Variants in ADCY9 observed in about 807,000 individuals in gnomAD.
ADCY9 encodes adenylate cyclase type 9.
A neutral mutation model predicts 101.5 loss-of-function variants in ADCY9; 50 were observed. The ratio of observed to expected loss-of-function variants is 0.49; its 90% CI spans 0.39 to 0.62. The LOEUF is 0.62. ADCY9 is among the 20% of genes least tolerant of loss of function. ADCY9 has a pLI of 0.00. For synonymous variants in ADCY9, 905 were observed against 769.3 expected, an observed-to-expected ratio of 1.18 and a Z score of -2.92; for missense variants, 1,662 against 1,800.4, an observed-to-expected ratio of 0.92 and a Z score of 1.39.
In ADCY9 at chr16:4,115,455, C is replaced by T. The variant is rs770794117; in HGVS notation, c.-13G>A. 1.3e-5 allele frequency: 20 copies of T among 1,525,130 alleles called. 1 individual carries two copies. The South Asian group carries it at 2.5e-4, about 19-fold the overall frequency. The allele number at this position is 1,525,130 out of a possible 1,614,324, so 94.5% of individuals were successfully genotyped here. On this transcript the variant is annotated 5_prime_UTR_variant, in exon 2 of 11. Coordinates refer to ENST00000294016, the MANE Select transcript of ADCY9 (RefSeq NM_001116.4). The surrounding 1 kb of genome is among the most constrained non-coding windows in gnomAD (Gnocchi z 6.2). The stretch of plus-strand genomic sequence containing the variant: ...GTGGGGAAGCCATGTTGTCGAGTCC[C>T]GGGGCCTGCCCCGGCCGGGGTCACC...
chr16:4,047,782 C>T (rs1273834319), intron 2 of ADCY9, among the ~76,000 whole-genome samples: 1 of 152,216 alleles, frequency 6.6e-6, no homozygotes, highest in Non-Finnish European at 1.5e-5. Context: ...TGATCTCGAA[C>T]TCCTGACCTC....
At chr16:4,080,316 T>G (rs1202241781) in intron 2 of ADCY9, among the ~76,000 whole-genome samples, 1 of 152,212 alleles carries the variant, frequency 6.6e-6, no homozygotes, top group Non-Finnish European at 1.5e-5. Context: ...TGCTCTTGGT[T>G]CACTGCAACC....
intron 2 of ADCY9, among the ~76,000 whole-genome samples, chr16:4,054,674 A>C (rs572439209): frequency 3.3e-5 from 5 of 151,746 alleles, no homozygotes; most frequent in African/African-American, 1.2e-4. Flanking sequence ...GGGTTCAAGC[A>C]ATTCTCCTGC....
chr16:3,985,820 C>T (rs2056187549), intron 6 of ADCY9, among the ~76,000 whole-genome samples: 1 of 152,196 alleles, frequency 6.6e-6, no homozygotes, highest in African/African-American at 2.4e-5. Flanking sequence ...ACACCTGTCC[C>T]TGCCACAGCC....
Position 4,115,792 on chromosome 16 carries a change from C to A in ADCY9, c.-146G>T. The A allele has an allele frequency of 5.0e-6, 2 of 401,152 alleles. No individual in the cohort carries two copies. The highest frequency in any genetic ancestry group is 7.2e-5 in the East Asian group (2 of 27,940). The allele number at this position is 401,152 out of a possible 1,614,324, so 24.8% of individuals were successfully genotyped here. Reference sequence around the variant, plus strand: ...CGCCCCGAGGGTGGCCTCCGCGCCGCGCGGCTTCTCCTCCTCGCGCGCTCG... The same window carrying A: ...CGCCCCGAGGGTGGCCTCCGCGCCGAGCGGCTTCTCCTCCTCGCGCGCTCG... On this transcript the variant is annotated 5_prime_UTR_variant, in exon 1 of 11. Coordinates refer to ENST00000294016, the MANE Select transcript of ADCY9 (RefSeq NM_001116.4). The surrounding 1 kb of genome is among the most constrained non-coding windows in gnomAD (Gnocchi z 6.2).
intron 2 of ADCY9, among the ~76,000 whole-genome samples, chr16:4,054,635 A>G (rs985956679): frequency 9.2e-5 from 14 of 151,868 alleles, no homozygotes; most frequent in African/African-American, 3.1e-4. Context: ...CAGTGGCACA[A>G]TCTCGGCTCA....
intron 2 of ADCY9, among the ~76,000 whole-genome samples, chr16:4,107,778 T>A (rs561588099): frequency 1.3e-5 from 2 of 151,636 alleles, no homozygotes; most frequent in Non-Finnish European, 2.9e-5. Context: ...GTGCTCAGGG[T>A]TAATGGGGCG....
chr16:3,991,343 G>A (rs1881040482), intron 5 of ADCY9, among the ~76,000 whole-genome samples: 1 of 152,174 alleles, frequency 6.6e-6, no homozygotes, highest in Non-Finnish European at 1.5e-5. Flanking sequence ...TGTCCCTGGA[G>A]AGGACACCCT....
chr16:3,988,446 G>A (rs978547697), intron 6 of ADCY9, among the ~76,000 whole-genome samples: 2 of 135,394 alleles, frequency 1.5e-5, no homozygotes, highest in African/African-American at 5.2e-5. Flanking sequence ...TCCAGGGCAG[G>A]TGGGGGGTTC....
intron 3 of ADCY9, among the ~76,000 whole-genome samples, chr16:4,002,627 G>C (rs1228995688): frequency 6.6e-6 from 1 of 152,238 alleles, no homozygotes; most frequent in Non-Finnish European, 1.5e-5. Context: ...GTGCGCTCCA[G>C]GGAGGCCTTT....
At chr16:3,954,414 G>A (rs78234727) in intron 5 of ADCY9, among the ~76,000 whole-genome samples, 15,391 of 152,232 alleles carry the variant, frequency 0.1, 1,018 homozygotes, top group Admixed American at 0.19. Context: ...GGCCAGCCCA[G>A]GAGCGAATGG....
chr16:3,997,088 C>A (rs2056293076), intron 3 of ADCY9, among the ~76,000 whole-genome samples: 1 of 152,226 alleles, frequency 6.6e-6, no homozygotes, highest in Non-Finnish European at 1.5e-5. Context: ...TGGTCTCGAA[C>A]TCCTGGCCTC....
intron 2 of ADCY9, among the ~76,000 whole-genome samples, chr16:4,021,632 C>A (rs920547456): frequency 6.6e-6 from 1 of 152,214 alleles, no homozygotes; most frequent in African/African-American, 2.4e-5. Flanking sequence ...GGGAGGCCAC[C>A]CCCTGCAGCT....
chr16:3,967,671 G>T (rs551181067), intron 10 of ADCY9, among the ~76,000 whole-genome samples: 1 of 149,030 alleles, frequency 6.7e-6, no homozygotes, highest in Non-Finnish European at 1.5e-5. Flanking sequence ...GGGATTACAG[G>T]CTTGAACTGT....
At chr16:4,089,917 C>CA (rs950356758) in intron 2 of ADCY9, among the ~76,000 whole-genome samples, 2 of 152,056 alleles carry the variant, frequency 1.3e-5, no homozygotes, top group African/African-American at 4.8e-5. Context: ...AGCCAACCCC[C>CA]CTTAATCCTG....
intron 2 of ADCY9, among the ~76,000 whole-genome samples, chr16:4,009,225 T>C (rs2056387175): frequency 6.6e-6 from 1 of 151,460 alleles, no homozygotes; most frequent in Non-Finnish European, 1.5e-5. Context: ...TATTTTTAGA[T>C]GCCAACTGGC....
At chr16:4,096,413 G>C (rs1597223250) in intron 2 of ADCY9, among the ~76,000 whole-genome samples, 1 of 152,180 alleles carries the variant, frequency 6.6e-6, no homozygotes, top group East Asian at 1.9e-4. Flanking sequence ...GTGCTTGTTA[G>C]TGGAGGAAAT....
intron 2 of ADCY9, among the ~76,000 whole-genome samples, chr16:4,039,053 T>C: frequency 1.3e-5 from 2 of 152,142 alleles, no homozygotes; most frequent in East Asian, 3.9e-4. Flanking sequence ...TCAAACACTG[T>C]TCTAAGCACC....
At chr16:4,090,484 A>G (rs1039720488) in intron 2 of ADCY9, among the ~76,000 whole-genome samples, 34 of 152,042 alleles carry the variant, frequency 2.2e-4, no homozygotes, top group African/African-American at 7.0e-4. Flanking sequence ...CGCTGCTTTT[A>G]AAAACGTTCT....
Sources: allele counts gnomAD v4.1 joint callset (sites outside exome capture counted in the v4.1 genomes callset), GRCh38; gene constraint gnomAD v4.1.1; non-coding constraint Gnocchi (gnomAD v3.1); transcripts MANE v1.5; gene names NCBI Gene and HGNC (gene_info 2026-07-23, HGNC 2026-07-21).